CHN2: variants seen among roughly 807,000 people sequenced by gnomAD.
CHN2 encodes the protein chimerin 2.
Under a neutral mutation model 56.3 loss-of-function variants are expected in CHN2, and 35 were observed. That is an observed-to-expected ratio of 0.62 (90% CI 0.47 to 0.82). The LOEUF (loss-of-function observed/expected upper bound fraction) is 0.82, where lower values mean the gene tolerates loss of function less well. Ranked by LOEUF, CHN2 falls within the 40% of genes least tolerant of loss-of-function variation. The pLI is 0.00. For missense variants in CHN2, 491 were observed against 580.5 expected, an observed-to-expected ratio of 0.85 and a Z score of 1.58; for synonymous variants, 210 against 212.8, an observed-to-expected ratio of 0.99 and a Z score of 0.12.
chr7:29,260,702 G>A (rs377396682), intron 1 of CHN2, among the ~76,000 whole-genome samples: 29 of 152,250 alleles, frequency 1.9e-4, no homozygotes, highest in Admixed American at 3.3e-4. Context: ...TAGCCTTCAC[G>A]ATTTTGGAGT....
At chr7:29,322,474 C>T (rs986370611) in intron 1 of CHN2, among the ~76,000 whole-genome samples, 8 of 152,208 alleles carry the variant, frequency 5.3e-5, no homozygotes, top group African/African-American at 1.7e-4. Flanking sequence ...ACTTCTCTTT[C>T]TCCTCCTCCT....
chr7:29,182,009 C>T (rs774979911), intron 2 of CHN2, among the ~76,000 whole-genome samples: 3 of 152,146 alleles, frequency 2.0e-5, no homozygotes, highest in Non-Finnish European at 4.4e-5. Flanking sequence ...AACATAAATG[C>T]TGTAAATGAC....
chr7:29,359,566 A>T (rs1263252831), intron 2 of CHN2, among the ~76,000 whole-genome samples: 2 of 152,172 alleles, frequency 1.3e-5, no homozygotes, highest in African/African-American at 2.4e-5. Context: ...AGGAAAAAAA[A>T]GGAAAAAGCT....
intron 6 of CHN2, among the ~76,000 whole-genome samples, chr7:29,453,019 G>A (rs780136206): frequency 2.0e-5 from 3 of 152,178 alleles, no homozygotes; most frequent in Admixed American, 6.5e-5. Flanking sequence ...AATGTGCTTT[G>A]CAGACTATAA....
intron 1 of CHN2, among the ~76,000 whole-genome samples, chr7:29,218,443 C>T (rs993312740): frequency 6.6e-6 from 1 of 152,094 alleles, no homozygotes; most frequent in Non-Finnish European, 1.5e-5. Context: ...CCCAGCCATC[C>T]CATTACTGGG....
chr7:29,230,010 A>T (rs1180856281), intron 1 of CHN2, among the ~76,000 whole-genome samples: 2 of 144,516 alleles, frequency 1.4e-5, no homozygotes, highest in South Asian at 2.2e-4. Context: ...AATAAGTTTT[A>T]TTGGAATCCA....
chr7:29,496,710 C>T (rs1474585937), intron 8 of CHN2, among the ~76,000 whole-genome samples: 1 of 152,138 alleles, frequency 6.6e-6, no homozygotes, highest in Non-Finnish European at 1.5e-5. Context: ...GGTGATTTTC[C>T]ATCTGGAATT....
chr7:29,275,046 G>T (rs1002160766), intron 1 of CHN2, among the ~76,000 whole-genome samples: 1 of 152,242 alleles, frequency 6.6e-6, no homozygotes, highest in Non-Finnish European at 1.5e-5. Flanking sequence ...CCACACACTA[G>T]GGAATTAGAA....
chr7:29,253,537 T>C (rs1020905040), intron 1 of CHN2, among the ~76,000 whole-genome samples: 3 of 152,220 alleles, frequency 2.0e-5, no homozygotes, highest in Non-Finnish European at 4.4e-5. Context: ...CAGGGAATTA[T>C]GGATTTGGGG....
In CHN2 at chr7:29,323,321, G is replaced by A. The variant is rs1562917832; in HGVS notation, c.50-31304G>A. 2.0e-5 allele frequency among the ~76,000 whole-genome samples: 3 copies of A among 152,138 alleles called. No homozygotes were observed. The South Asian group carries it at 6.2e-4, about 32-fold the overall frequency. On this transcript the variant is annotated intron_variant, in intron 1 of 12. Coordinates refer to ENST00000222792, the MANE Select transcript of CHN2 (RefSeq NM_004067.4). ...ATTGCTCACTCAACTTTCTTCAGTT[G>A]TGTCTTACATGATGAGGTTTTGAAT...
intron 7 of CHN2, among the ~76,000 whole-genome samples, 181 bp from the exon 8 acceptor site, chr7:29,495,771 A>T (rs1389580290): frequency 6.6e-6 from 1 of 152,150 alleles, no homozygotes; most frequent in Non-Finnish European, 1.5e-5. Context: ...TGGTGGATCG[A>T]TGAAGGATTT....
chr7:29,192,999 C>T, upstream of CHN2: 1 of 152,188 alleles, frequency 6.6e-6, no homozygotes, highest in Non-Finnish European at 1.5e-5. Flanking sequence ...GGTCACGTGT[C>T]CCTGAAGGCT....
At chr7:29,479,351 G>A (rs1786882322) in intron 6 of CHN2, among the ~76,000 whole-genome samples, 1 of 152,198 alleles carries the variant, frequency 6.6e-6, no homozygotes, top group African/African-American at 2.4e-5. Context: ...TTTGAGCAGA[G>A]TTTGTTCGTG....
intron 2 of CHN2, among the ~76,000 whole-genome samples, chr7:29,178,377 T>A (rs1797630014): frequency 6.6e-6 from 1 of 152,194 alleles, no homozygotes; most frequent in South Asian, 2.1e-4. Flanking sequence ...TGACCTGGTC[T>A]TCCTCTGCGT....
At chr7:29,494,599 G>C (rs897460661) in intron 7 of CHN2, among the ~76,000 whole-genome samples, 38 of 152,214 alleles carry the variant, frequency 2.5e-4, no homozygotes, top group African/African-American at 8.7e-4. Flanking sequence ...GAAAAATGTT[G>C]AGAAATTTTT....
chr7:29,474,728 A>G (rs1160902441), intron 6 of CHN2, among the ~76,000 whole-genome samples: 1 of 152,240 alleles, frequency 6.6e-6, no homozygotes, highest in Non-Finnish European at 1.5e-5. Flanking sequence ...AGGGAGACAT[A>G]CAGGACCAAT....
At chr7:29,320,319 C>G in intron 1 of CHN2, among the ~76,000 whole-genome samples, 1 of 152,136 alleles carries the variant, frequency 6.6e-6, no homozygotes, top group East Asian at 1.9e-4. Context: ...CAGTCTCTGT[C>G]TCAAGGGAAG....
Position 29,415,902 on chromosome 7 carries a change from C to A in CHN2, c.576+15074C>A, listed in dbSNP as rs1321377226. 4.6e-5 allele frequency among the ~76,000 whole-genome samples: 7 copies of A among 152,182 alleles called. No individual in the cohort carries two copies. The East Asian group carries it at 1.3e-3, about 29-fold the overall frequency. On this transcript the variant is annotated intron_variant, in intron 6 of 12. Transcript: ENST00000222792. ...CCTTTTCCATTTTTAAATGATGACACTATTACCAAAGCTAATTGTCATCTT... is the reference window on the plus strand; with the variant it reads ...CCTTTTCCATTTTTAAATGATGACAATATTACCAAAGCTAATTGTCATCTT...
chr7:29,175,933 T>A (rs1292078208), intron 2 of CHN2, among the ~76,000 whole-genome samples: 1 of 152,122 alleles, frequency 6.6e-6, no homozygotes, highest in Admixed American at 6.5e-5. Flanking sequence ...ATGCCTGTAA[T>A]CCCAGCACTT....
Sources: gnomAD v4.1 joint callset for allele counts (sites outside exome capture counted in the v4.1 genomes callset) on GRCh38, gnomAD v4.1.1 for gene constraint, MANE v1.5 for transcripts, NCBI Gene and HGNC (gene_info 2026-07-23, HGNC 2026-07-21) for gene names.